SYNGR3: variants seen among roughly 807,000 people sequenced by gnomAD.
The protein encoded by SYNGR3 is synaptogyrin-3.
In SYNGR3, 10 loss-of-function variants were observed where a neutral mutation model predicts 18.5. The ratio of observed to expected loss-of-function variants is 0.54; its 90% confidence interval spans 0.33 to 0.92. The LOEUF (loss-of-function observed/expected upper bound fraction) is 0.92. Ranked by LOEUF, SYNGR3 falls within the 40% of genes least tolerant of loss-of-function variation. The pLI, the probability that SYNGR3 is intolerant of heterozygous loss-of-function variation, is 0.02. For synonymous variants in SYNGR3, 188 were observed against 157.2 expected (o/e 1.20, Z -1.47); for missense variants, 335 against 332.8 (o/e 1.01, Z -0.05).
intron 1 of SYNGR3, 31 bp from the exon 2 acceptor site, chr16:1,991,943 C>T (rs900713512): frequency 1.9e-6 from 3 of 1,560,370 alleles, no homozygotes; most frequent in Non-Finnish European, 2.6e-6. Flanking sequence ...GTCGGGTCGC[C>T]GCAGGGCCCT....
At chr16:1,992,421 C>A in intron 2 of SYNGR3, 3 of 752,234 alleles carry the variant, frequency 4.0e-6, no homozygotes, top group South Asian at 2.4e-5. Flanking sequence ...TCTAGGTAGG[C>A]GGGGCCCGGG....
At chr16:1,992,817 G>A in intron 3 of SYNGR3, 39 bp downstream of exon 3, 2 of 1,505,878 alleles carry the variant, frequency 1.3e-6, no homozygotes, top group Non-Finnish European at 1.8e-6. Flanking sequence ...GAAGGGGCGG[G>A]CGCTCGGCTG....
chr16:1,990,189 G>C lies in SYNGR3; in HGVS notation c.87G>C (p.Arg29=). The part of the protein sequence containing the change: ...SFARRPQTLL[R]VASWVFSIAV... ...CGCGGCGGCCCCAGACCCTGCTCCG[G>C]GTCGCGTCCTGGGTGAGTGGTCCCT... is the stretch of plus-strand genomic sequence containing the variant. Residue 29 remains arginine (R), a synonymous_variant, in exon 1 of 4, where the codon CGG becomes CGC. Transcript: ENST00000248121. The C allele has an allele frequency of 7.8e-7, 1 of 1,279,706 alleles. No individual in the cohort carries two copies. The highest frequency in any genetic ancestry group is 9.9e-7 in the Non-Finnish European group (1 of 1,012,062). The allele number at this position is 1,279,706 out of a possible 1,614,324, so 79.3% of individuals were successfully genotyped here.
At position 1,993,086 on chromosome 16, in the gene SYNGR3, C is replaced by G. The variant is rs1279097063; in HGVS notation, c.*14C>G. ...CCCGCCTACTAGCGGCTGGCAGGCA[C>G]AGACCAGGGCTCCAAGGCCACCCCA... On this transcript the variant is annotated 3_prime_UTR_variant, in exon 4 of 4. Coordinates refer to ENST00000248121, the MANE Select transcript of SYNGR3 (RefSeq NM_004209.6). 1 of 1,600,072 alleles carries G rather than the reference C, an allele frequency of 6.2e-7. No homozygotes were observed. Among genetic ancestry groups the G allele is most frequent in the East Asian group, 2.3e-5 (1 of 43,868 alleles).
Position 1,993,581 on chromosome 16 carries a change from T to C in SYNGR3, c.*509T>C, listed in dbSNP as rs998151364. ...CCGTCCGGAGCCACTCTCCACTTTC[T>C]CTCACAGGCTGCTAGAACAGCCCAG... On this transcript the variant is annotated 3_prime_UTR_variant, in exon 4 of 4. Transcript: ENST00000248121. The C allele has an allele frequency of 8.7e-6, 4 of 457,792 alleles. No individual in the cohort carries two copies. Among genetic ancestry groups the C allele is most frequent in the Non-Finnish European group, 1.8e-5 (4 of 227,926 alleles). The allele number at this position is 457,792 out of a possible 1,614,324, so 28.4% of individuals were successfully genotyped here. A position where few individuals can be genotyped will look rare whatever the true frequency, so the allele number is the denominator to read the frequency against.
In SYNGR3 at chr16:1,994,192, A is replaced by G. The variant is rs1379413360; in HGVS notation, c.*1120A>G. The G allele has an allele frequency of 3.9e-5, 6 of 153,928 alleles. No homozygotes were observed. Among genetic ancestry groups the G allele is most frequent in the African/African-American group, 7.2e-5 (3 of 41,458 alleles). 9.5% of individuals were successfully genotyped at this position (153,928 alleles called of 1,614,324 possible). ...ATATATCACTCTCTCCCTCTCCTGA[A>G]AGACCAGAGATTGTGTATTTTCAGT... is the stretch of plus-strand genomic sequence containing the variant. On this transcript the variant is annotated 3_prime_UTR_variant, in exon 4 of 4. Transcript: ENST00000248121.
In SYNGR3 at chr16:1,993,308, C is replaced by G. The variant is rs777378482; in HGVS notation, c.*236C>G. 4 of 640,786 alleles carry G rather than the reference C, an allele frequency of 6.2e-6. No homozygotes were observed. Among genetic ancestry groups the G allele is most frequent in the African/African-American group, 1.8e-5 (1 of 55,798 alleles). 39.7% of individuals were successfully genotyped at this position (640,786 alleles called of 1,614,324 possible). Reference sequence around the variant, plus strand: ...AGGTCCTGAGAAGGGGATAGCACTGCCCAGGACGTGTGTCCCTAGCCTGGA... The same window carrying G: ...AGGTCCTGAGAAGGGGATAGCACTGGCCAGGACGTGTGTCCCTAGCCTGGA... On this transcript the variant is annotated 3_prime_UTR_variant, in exon 4 of 4. Coordinates refer to ENST00000248121, the MANE Select transcript of SYNGR3 (RefSeq NM_004209.6).
rs146005618 is a variant in SYNGR3 at position 1,993,372 on chromosome 16, C to T, written c.*300C>T. The T allele has an allele frequency of 7.8e-4, 474 of 609,364 alleles. 2 individuals carry two copies. The Middle Eastern group carries it at 9.7e-3, about 12-fold the overall frequency. 37.7% of individuals were successfully genotyped at this position (609,364 alleles called of 1,614,324 possible). ...GGGAAGGCTTTCCCCTCTTGGGCCA[C>T]ACCTGCTCACTCTGGGGTTGGGGGT... On this transcript the variant is annotated 3_prime_UTR_variant, in exon 4 of 4. Transcript: ENST00000248121.
chr16:1,990,349 CCTCAGGTTGGGGTGACGTCACCGG>C (rs2083596308), intron 1 of SYNGR3, 148 bp downstream of exon 1: 1 of 431,056 alleles, frequency 2.3e-6, no homozygotes, highest in Admixed American at 4.6e-5. Flanking sequence ...CCCCCGCCGG[CCTCAGGTTGGGGTGACGTCACCGG>C]GCAGGGCGCG....
Position 1,993,076 on chromosome 16 carries a change from C to T in SYNGR3, c.*4C>T. 1.2e-6 allele frequency: 2 copies of T among 1,605,958 alleles called. No individual in the cohort carries two copies. The highest frequency in any genetic ancestry group is 1.7e-6 in the Non-Finnish European group (2 of 1,177,182). The stretch of plus-strand genomic sequence containing the variant: ...GTACCAGGTGCCCGCCTACTAGCGG[C>T]TGGCAGGCACAGACCAGGGCTCCAA... On this transcript the variant is annotated 3_prime_UTR_variant, in exon 4 of 4. Transcript: ENST00000248121.
chr16:1,990,426 A>G, intron 1 of SYNGR3: 1 of 470,386 alleles, frequency 2.1e-6, no homozygotes, highest in Non-Finnish European at 3.9e-6. Context: ...CCGGAGAGGG[A>G]CCTTGAGAGG....
chr16:1,990,597 C>G (rs987854981), intron 1 of SYNGR3: 7 of 406,750 alleles, frequency 1.7e-5, no homozygotes, highest in Non-Finnish European at 3.0e-5. Flanking sequence ...AACCGAGAAG[C>G]GCCTCCCCTT....
rs537133163 is a variant in SYNGR3, at chr16:1,989,995, T to TAGCATC, written c.-92_-87dup. The TAGCATC allele has an allele frequency of 1.2e-4, 40 of 326,234 alleles. No homozygotes were observed. Among genetic ancestry groups the TAGCATC allele is most frequent in the Middle Eastern group, 1.0e-3 (1 of 980 alleles). The allele number at this position is 326,234 out of a possible 1,614,324, so 20.2% of individuals were successfully genotyped here. A position where few individuals can be genotyped will look rare whatever the true frequency, so the allele number is the denominator to read the frequency against. ...GAGGCGGCAGCGGCTGCAGCGTTGG[T>TAGCATC]AGCATCAGCATCAGCATCAGCGGCA... On this transcript the variant is annotated 5_prime_UTR_variant, in exon 1 of 4. Transcript: ENST00000248121.
In SYNGR3 at chr16:1,993,225, G is replaced by C. The variant is rs142000283; in HGVS notation, c.*153G>C. 4.6e-5 allele frequency: 44 copies of C among 965,638 alleles called. No individual in the cohort carries two copies. The African/African-American group carries it at 5.4e-4, about 12-fold the overall frequency. 59.8% of individuals were successfully genotyped at this position (965,638 alleles called of 1,614,324 possible). A position where few individuals can be genotyped will look rare whatever the true frequency, so the allele number is the denominator to read the frequency against. On this transcript the variant is annotated 3_prime_UTR_variant, in exon 4 of 4. Coordinates refer to ENST00000248121, the MANE Select transcript of SYNGR3 (RefSeq NM_004209.6). ...CGGGGCCAAGAGGGGGTGGACCCGC[G>C]TGTCTGGGCTGCCCCTGCCAAGTTC...
rs1173866871 is a variant in SYNGR3 at position 1,994,146 on chromosome 16, G to A, written c.*1074G>A. ...ACCAATTCTGTGTGGATATTTAAGT[G>A]AACATGTTTACAATTTTTGTATATA... On this transcript the variant is annotated 3_prime_UTR_variant, in exon 4 of 4. Transcript: ENST00000248121. 1 of 154,820 alleles carries A rather than the reference G, an allele frequency of 6.5e-6. No individual in the cohort carries two copies. Among genetic ancestry groups the A allele is most frequent in the East Asian group, 1.9e-4 (1 of 5,214 alleles). The allele number at this position is 154,820 out of a possible 1,614,324, so 9.6% of individuals were successfully genotyped here. A position where few individuals can be genotyped will look rare whatever the true frequency, so the allele number is the denominator to read the frequency against.
chr16:1,992,046 C>T lies in SYNGR3; in HGVS notation c.172C>T (p.Arg58Cys). 1 of 1,577,646 alleles carries T rather than the reference C, an allele frequency of 6.3e-7. No individual in the cohort carries two copies. The highest frequency in any genetic ancestry group is 8.6e-7 in the Non-Finnish European group (1 of 1,163,700). Residue 58 changes from arginine to cysteine, a missense_variant, in exon 2 of 4, where the codon CGC becomes TGC. Transcript: ENST00000248121. Reference sequence around the variant, plus strand: ...GAACACCGACAGCGGCCCCGAGCTGCGCTGCGTGTTCAACGGGAACGCGGG... The same window carrying T: ...GAACACCGACAGCGGCCCCGAGCTGTGCTGCGTGTTCAACGGGAACGCGGG... ...YVNTDSGPEL[R>C]CVFNGNAGAC...
chr16:1,990,197 C>G lies in SYNGR3; in HGVS notation c.95C>G (p.Ser32Cys). 7.8e-7 allele frequency: 1 copy of G among 1,280,166 alleles called. No individual in the cohort carries two copies. The highest frequency in any genetic ancestry group is 9.9e-7 in the Non-Finnish European group (1 of 1,012,174). The allele number at this position is 1,280,166 out of a possible 1,614,324, so 79.3% of individuals were successfully genotyped here. A position where few individuals can be genotyped will look rare whatever the true frequency, so the allele number is the denominator to read the frequency against. ...RRPQTLLRVA[S>C]WVFSIAVFGP... Reference sequence around the variant, plus strand: ...CCCCAGACCCTGCTCCGGGTCGCGTCCTGGGTGAGTGGTCCCTGCCCGGGC... The same window carrying G: ...CCCCAGACCCTGCTCCGGGTCGCGTGCTGGGTGAGTGGTCCCTGCCCGGGC... The change falls in exon 1 of 4, where the codon TCC (serine) becomes TGC (cysteine). Residue 32 changes from serine (S) to cysteine (C), a missense_variant. Ser to Cys is a moderately radical substitution (Grantham distance 112). Transcript: ENST00000248121.
At chr16:1,990,641 G>A (rs747738722) in intron 1 of SYNGR3, 39 of 336,004 alleles carry the variant, frequency 1.2e-4, no homozygotes, top group South Asian at 7.4e-4. Flanking sequence ...CTCCTTGGCA[G>A]GGAGCCTGTC....
chr16:1,991,850 T>G, intron 1 of SYNGR3, 124 bp from the exon 2 acceptor site: 1 of 788,262 alleles, frequency 1.3e-6, no homozygotes. Flanking sequence ...AAGAAAGAGG[T>G]GACACCGCCC....
Sources: allele counts gnomAD v4.1 joint callset, GRCh38; gene constraint gnomAD v4.1.1; transcripts MANE v1.5; gene names NCBI Gene and HGNC (gene_info 2026-07-23, HGNC 2026-07-21).